The following DGKB variants were observed in gnomAD, a reference collection of about 807,000 sequenced individuals.
DGKB encodes diacylglycerol kinase beta, also known as 90 kDa diacylglycerol kinase.
DGKB carries 67 observed loss-of-function variants against 114.3 expected under a neutral mutation model. That is an observed-to-expected ratio of 0.59 (90% CI 0.48 to 0.72). DGKB has a LOEUF of 0.72. DGKB is among the 30% of genes least tolerant of loss of function. DGKB has a pLI of 0.00. For missense variants in DGKB, 907 were observed against 975.2 expected (o/e 0.93, Z 0.93); for synonymous variants, 398 against 323.1 (o/e 1.23, Z -2.49).
chr7:14,510,687 G>T (rs149739272), intron 20 of DGKB, among the ~76,000 whole-genome samples: 2 of 151,996 alleles, frequency 1.3e-5, no homozygotes, highest in African/African-American at 4.8e-5. Flanking sequence ...TTCCAGAAAG[G>T]TGTACTTTTC....
At chr7:14,941,913 T>C (rs538549060) in intron 1 of DGKB, among the ~76,000 whole-genome samples, 1 of 152,152 alleles carries the variant, frequency 6.6e-6, no homozygotes. Context: ...TTAGTAACAG[T>C]TAATTTTAGA....
At chr7:14,577,655 C>G (rs1295403655) in intron 19 of DGKB, among the ~76,000 whole-genome samples, 2 of 152,062 alleles carry the variant, frequency 1.3e-5, no homozygotes, top group Non-Finnish European at 2.9e-5. Flanking sequence ...CTATTACTTG[C>G]CTCCTTATTC....
chr7:14,923,587 TC>T (rs1265084078), intron 1 of DGKB, among the ~76,000 whole-genome samples: 1 of 152,210 alleles, frequency 6.6e-6, no homozygotes, highest in African/African-American at 2.4e-5. Context: ...CATCATTATT[TC>T]CTCCTTGAAA....
rs547700452 is a variant in DGKB, at chr7:14,146,981, G to C, written c.*2150C>G. ...TTCAAACTATATACTATAAAAGGTA[G>C]CCAAGACATAATTGTATGTTGTAGC... On this transcript the variant is annotated 3_prime_UTR_variant, in exon 26 of 26. Coordinates refer to ENST00000402815, the MANE Select transcript of DGKB (RefSeq NM_001350709.2). The C allele has an allele frequency of 6.6e-5, 10 of 152,236 alleles. No individual in the cohort carries two copies. In the East Asian group the frequency reaches 1.5e-3, roughly 24 times the overall value. The allele number at this position is 152,236 out of a possible 1,614,324, so 9.4% of individuals were successfully genotyped here. A position where few individuals can be genotyped will look rare whatever the true frequency, so the allele number is the denominator to read the frequency against.
chr7:14,376,974 C>T, intron 21 of DGKB, among the ~76,000 whole-genome samples: 1 of 152,148 alleles, frequency 6.6e-6, no homozygotes, highest in East Asian at 1.9e-4. Context: ...TGCAAGGCCA[C>T]ATTGTGGACT....
At chr7:14,921,010 G>C (rs929256765) in intron 1 of DGKB, among the ~76,000 whole-genome samples, 1 of 152,066 alleles carries the variant, frequency 6.6e-6, no homozygotes, top group African/African-American at 2.4e-5. Flanking sequence ...TAGGTAAATT[G>C]TGTGTTGTGA....
At chr7:14,432,262 G>T (rs1828558981) in intron 21 of DGKB, among the ~76,000 whole-genome samples, 2 of 152,062 alleles carry the variant, frequency 1.3e-5, no homozygotes, top group African/African-American at 2.4e-5. Flanking sequence ...TCGCTATAAA[G>T]GGATTTTTTA....
chr7:14,805,621 T>C (rs1842701079), intron 2 of DGKB, among the ~76,000 whole-genome samples: 1 of 152,004 alleles, frequency 6.6e-6, no homozygotes, highest in Admixed American at 6.6e-5. Flanking sequence ...TACTTTTTAT[T>C]CCTCCCAATT....
chr7:14,199,503 A>T (rs1785515597), intron 23 of DGKB, among the ~76,000 whole-genome samples: 1 of 151,992 alleles, frequency 6.6e-6, no homozygotes, highest in African/African-American at 2.4e-5. Flanking sequence ...CTAGGTCAGC[A>T]CTCTGCAGGC....
intron 1 of DGKB, among the ~76,000 whole-genome samples, chr7:14,937,243 G>C (rs17313190): frequency 6.6e-6 from 1 of 151,510 alleles, no homozygotes; most frequent in Non-Finnish European, 1.5e-5. Flanking sequence ...ATATAGGTTG[G>C]TTTTTTTAAG....
upstream of DGKB, among the ~76,000 whole-genome samples, chr7:14,906,935 T>C (rs17168511): frequency 0.016 from 2,459 of 152,304 alleles, 57 homozygotes; most frequent in African/African-American, 0.047. Context: ...TAAATAAAGG[T>C]ATTCTCACTT....
chr7:14,308,897 T>C (rs78816758), intron 23 of DGKB, among the ~76,000 whole-genome samples: 237 of 152,284 alleles, frequency 1.6e-3, no homozygotes, highest in African/African-American at 5.5e-3. Context: ...TTGAGTTAAA[T>C]AGTCTGAGTT....
intron 4 of DGKB, among the ~76,000 whole-genome samples, chr7:14,747,956 T>C (rs952160971): frequency 6.6e-6 from 1 of 152,348 alleles, no homozygotes; most frequent in African/African-American, 2.4e-5. Context: ...GGCACATTTC[T>C]ATATGCCTTT....
intron 2 of DGKB, among the ~76,000 whole-genome samples, chr7:14,825,760 T>C (rs1352991633): frequency 6.6e-6 from 1 of 152,114 alleles, no homozygotes; most frequent in Non-Finnish European, 1.5e-5. Flanking sequence ...ATAAATACGT[T>C]AGAAAAAGTT....
chr7:14,708,602 G>A (rs1458774298), intron 6 of DGKB, among the ~76,000 whole-genome samples: 1 of 151,250 alleles, frequency 6.6e-6, no homozygotes, highest in Non-Finnish European at 1.5e-5. Context: ...GCATGGTACT[G>A]GTACCAAAAC....
intron 13 of DGKB, among the ~76,000 whole-genome samples, chr7:14,670,999 T>G (rs931702357): frequency 1.3e-5 from 2 of 152,208 alleles, no homozygotes. Flanking sequence ...AGAGCTATAA[T>G]TATTGCAGTA....
At chr7:14,453,365 C>G (rs1167451474) in intron 21 of DGKB, among the ~76,000 whole-genome samples, 1 of 152,064 alleles carries the variant, frequency 6.6e-6, no homozygotes, top group Non-Finnish European at 1.5e-5. Flanking sequence ...AAGAAATAAG[C>G]AAAATCGACA....
At chr7:14,341,577 T>C (rs1414663087) in intron 22 of DGKB, among the ~76,000 whole-genome samples, 1 of 151,938 alleles carries the variant, frequency 6.6e-6, no homozygotes, top group African/African-American at 2.4e-5. Context: ...TAACATATAG[T>C]ACTATGGGAG....
intron 14 of DGKB, among the ~76,000 whole-genome samples, chr7:14,623,463 C>T (rs1192171867): frequency 1.3e-5 from 2 of 152,118 alleles, no homozygotes; most frequent in Non-Finnish European, 2.9e-5. Flanking sequence ...TATAATCACC[C>T]TTCTCTGCTA....
Sources: allele counts gnomAD v4.1 joint callset (sites outside exome capture counted in the v4.1 genomes callset), GRCh38; gene constraint gnomAD v4.1.1; transcripts MANE v1.5; gene names NCBI Gene and HGNC (gene_info 2026-07-23, HGNC 2026-07-21).